The following DRAXIN variants were observed in gnomAD, a reference collection of about 807,000 sequenced individuals.
DRAXIN encodes dorsal inhibitory axon guidance protein, also known as dorsal repulsive axon guidance protein.
DRAXIN carries 27 observed loss-of-function variants against 33.9 expected under a neutral mutation model. The observed-to-expected ratio is 0.80, with a 90% CI of 0.59 to 1.10. The LOEUF is 1.10. DRAXIN is among the 50% of genes least tolerant of loss of function. DRAXIN has a pLI of 0.00. For synonymous variants in DRAXIN, 178 were observed against 194.0 expected, an observed-to-expected ratio of 0.92 and a Z score of 0.69; for missense variants, 371 against 460.8, an observed-to-expected ratio of 0.81 and a Z score of 1.78.
At chr1:11,691,966 C>T (rs1044893252) in intron 1 of DRAXIN, 113 bp downstream of exon 1, 1 of 151,708 alleles carries the variant, frequency 6.6e-6, no homozygotes. Context: ...CGCGGGGTCC[C>T]GAGGCTGGAA....
At chr1:11,714,096 T>C (rs1336347272) in intron 5 of DRAXIN, among the ~76,000 whole-genome samples, 1 of 151,986 alleles carries the variant, frequency 6.6e-6, no homozygotes, top group Non-Finnish European at 1.5e-5. Flanking sequence ...TTCCAGGTAT[T>C]CAGGAGGCTA....
At chr1:11,709,512 C>T (rs1156560353) in intron 3 of DRAXIN, 47 bp downstream of exon 3, 1 of 1,564,080 alleles carries the variant, frequency 6.4e-7, no homozygotes, top group Non-Finnish European at 8.6e-7. Flanking sequence ...TCCTTGAGCC[C>T]ATGTCATGGA....
At chr1:11,698,182 G>C (rs750060670) in intron 1 of DRAXIN, among the ~76,000 whole-genome samples, 1 of 152,198 alleles carries the variant, frequency 6.6e-6, no homozygotes, top group Non-Finnish European at 1.5e-5. Flanking sequence ...TGTTGGGAGG[G>C]ATCAGGAGGG....
At chr1:11,695,303 G>T (rs1326707800) in intron 1 of DRAXIN, among the ~76,000 whole-genome samples, 1 of 152,150 alleles carries the variant, frequency 6.6e-6, no homozygotes, top group Non-Finnish European at 1.5e-5. Context: ...TTCAGGCCAG[G>T]TGCAGTGGCT....
In DRAXIN at chr1:11,725,382, C is replaced by A. The variant is rs538462036; in HGVS notation, c.*5686C>A. The A allele has an allele frequency of 1.3e-4, 20 of 152,320 alleles. No homozygotes were observed. Among genetic ancestry groups the A allele is most frequent in the African/African-American group, 4.8e-4 (20 of 41,564 alleles). 9.4% of individuals were successfully genotyped at this position (152,320 alleles called of 1,614,324 possible). A position where few individuals can be genotyped will look rare whatever the true frequency, so the allele number is the denominator to read the frequency against. On this transcript the variant is annotated 3_prime_UTR_variant, in exon 7 of 7. Transcript: ENST00000294485. ...GCCCCACCACCCCACGCCTACTGAG[C>A]CAGAATCTCTGGGGGTGGGGCCCAG...
intron 1 of DRAXIN, among the ~76,000 whole-genome samples, chr1:11,697,120 CAG>C (rs1289023319): frequency 6.6e-6 from 1 of 152,076 alleles, no homozygotes; most frequent in Non-Finnish European, 1.5e-5. Flanking sequence ...AACTGGGGCC[CAG>C]AGAGGTTAAA....
upstream of DRAXIN, among the ~76,000 whole-genome samples, chr1:11,689,158 A>C (rs1042885618): frequency 6.6e-6 from 1 of 152,194 alleles, no homozygotes. Context: ...TTAGCTGAGC[A>C]TGGCGGTGTG....
upstream of DRAXIN, among the ~76,000 whole-genome samples, chr1:11,690,425 G>A (rs80319573): frequency 5.2e-3 from 790 of 152,284 alleles, 4 homozygotes; most frequent in South Asian, 0.021. The surrounding 1 kb of genome is among the most constrained non-coding windows in gnomAD (Gnocchi z 4.2). Context: ...CCTTAGAAAC[G>A]TTATCTCCTT....
At position 11,692,050 on chromosome 1, in the gene DRAXIN, C is replaced by G. The variant is rs1011691324; in HGVS notation, c.-11+197C>G. On this transcript the variant is annotated intron_variant, in intron 1 of 6. Transcript: ENST00000294485. The surrounding 1 kb of genome is among the most constrained non-coding windows in gnomAD (Gnocchi z 5.8). Reference sequence around the variant, plus strand: ...TCCTTCCGCCGCCTCCTCTCCTCGCCGCGTCTGCCCACGGACCCTGGCTCT... The same window carrying G: ...TCCTTCCGCCGCCTCCTCTCCTCGCGGCGTCTGCCCACGGACCCTGGCTCT... 6.6e-6 allele frequency among the ~76,000 whole-genome samples: 1 copy of G among 152,216 alleles called. No homozygotes were observed. Among genetic ancestry groups the G allele is most frequent in the African/African-American group, 2.4e-5 (1 of 41,548 alleles).
At chr1:11,690,457 C>G (rs116270876), upstream of DRAXIN, among the ~76,000 whole-genome samples, 636 of 152,250 alleles carry the variant, frequency 4.2e-3, 2 homozygotes, top group African/African-American at 0.014. This position sits in a 1 kb window ranked among gnomAD's most constrained non-coding sequence, Gnocchi z 4.2. Context: ...TGCATTCACG[C>G]CTAGAACACT....
chr1:11,691,834 C>A lies in DRAXIN; in HGVS notation c.-30C>A, dbSNP rs990300912. The A allele has an allele frequency of 2.0e-5, 3 of 151,844 alleles. No homozygotes were observed. The highest frequency in any genetic ancestry group is 3.2e-3 in the Middle Eastern group (1 of 312). The allele number at this position is 151,844 out of a possible 1,614,324, so 9.4% of individuals were successfully genotyped here. ...CGCTCGGCCCCGAGCCCCTCCTCCC[C>A]CTACCCGCCGGCCGGACAGGTAAGG... is the stretch of plus-strand genomic sequence containing the variant. On this transcript the variant is annotated 5_prime_UTR_variant, in exon 1 of 7. Transcript: ENST00000294485.
rs1641104608 is a variant in DRAXIN, at chr1:11,692,950, G to A, written c.-11+1097G>A. 6.6e-6 allele frequency among the ~76,000 whole-genome samples: 1 copy of A among 151,698 alleles called. No individual in the cohort carries two copies. The highest frequency in any genetic ancestry group is 1.5e-5 in the Non-Finnish European group (1 of 67,936). ...GGTTCACACACCCTGTGGAGGAAGG[G>A]AGGGGAGGGGAGGGGAGTCTACAGA... On this transcript the variant is annotated intron_variant, in intron 1 of 6. Coordinates refer to ENST00000294485, the MANE Select transcript of DRAXIN (RefSeq NM_198545.4). This position sits in a 1 kb window ranked among gnomAD's most constrained non-coding sequence, Gnocchi z 5.8.
chr1:11,717,809 A>C (rs1238869769), intron 6 of DRAXIN, among the ~76,000 whole-genome samples: 1 of 135,078 alleles, frequency 7.4e-6, no homozygotes, highest in Non-Finnish European at 1.6e-5. Flanking sequence ...GTAGAGAGAC[A>C]CTGTCTCTAC....
chr1:11,709,530 C>G, intron 3 of DRAXIN, 65 bp downstream of exon 3: 2 of 1,527,644 alleles, frequency 1.3e-6, no homozygotes. Context: ...GGAAAGCCCT[C>G]TTAATACATG....
intron 6 of DRAXIN, among the ~76,000 whole-genome samples, chr1:11,717,011 A>G (rs1454297900): frequency 1.3e-5 from 2 of 152,214 alleles, no homozygotes; most frequent in African/African-American, 4.8e-5. Context: ...ATGGCCGAGC[A>G]TGGTGGCTCA....
In DRAXIN at chr1:11,706,855, G is replaced by T; in HGVS notation, c.451+146G>T. ...TGAAGCCAGAGGGACCTGGTAAGGG[G>T]AGGAGGCTGGGAGAGGCCTGGGGTT... On this transcript the variant is annotated intron_variant, in intron 2 of 6. Transcript: ENST00000294485. This position sits in a 1 kb window ranked among gnomAD's most constrained non-coding sequence, Gnocchi z 5.5. 2 of 929,790 alleles carry T rather than the reference G, an allele frequency of 2.2e-6. No homozygotes were observed. Among genetic ancestry groups the T allele is most frequent in the South Asian group, 3.7e-5 (2 of 54,266 alleles). 57.6% of individuals were successfully genotyped at this position (929,790 alleles called of 1,614,324 possible).
chr1:11,714,556 T>C (rs1641544881), intron 5 of DRAXIN, among the ~76,000 whole-genome samples: 1 of 152,210 alleles, frequency 6.6e-6, no homozygotes, highest in Non-Finnish European at 1.5e-5. Flanking sequence ...GTGACCAGAA[T>C]ATTCTACAAA....
At chr1:11,710,726 A>G (rs1162772525) in intron 3 of DRAXIN, among the ~76,000 whole-genome samples, 5 of 148,058 alleles carry the variant, frequency 3.4e-5, no homozygotes, top group Admixed American at 1.4e-4. Flanking sequence ...CATCCTGGCT[A>G]ACATGGTGAA....
rs1181638714 is a variant in DRAXIN, at chr1:11,705,902, G to A, written c.-10-347G>A. 6.6e-6 allele frequency among the ~76,000 whole-genome samples: 1 copy of A among 152,172 alleles called. No homozygotes were observed. The highest frequency in any genetic ancestry group is 1.5e-5 in the Non-Finnish European group (1 of 68,030). On this transcript the variant is annotated intron_variant, in intron 1 of 6. Coordinates refer to ENST00000294485, the MANE Select transcript of DRAXIN (RefSeq NM_198545.4). This position sits in a 1 kb window ranked among gnomAD's most constrained non-coding sequence, Gnocchi z 4.8. ...TTGGTAAGGGGCAGAGGTTTGTGCAGAGAAAGGAATTCTGGACTAATCTGG... is the reference window on the plus strand; with the variant it reads ...TTGGTAAGGGGCAGAGGTTTGTGCAAAGAAAGGAATTCTGGACTAATCTGG...
Sources: allele counts gnomAD v4.1 joint callset (sites outside exome capture counted in the v4.1 genomes callset), GRCh38; gene constraint gnomAD v4.1.1; non-coding constraint Gnocchi (gnomAD v3.1); transcripts MANE v1.5; gene names NCBI Gene and HGNC (gene_info 2026-07-23, HGNC 2026-07-21).